Variants in RUNX2 observed in about 807,000 individuals in gnomAD.
The protein encoded by RUNX2 is RUNX family transcription factor 2, also known as runt-related transcription factor 2.
In RUNX2, 10 loss-of-function variants were observed where a neutral mutation model predicts 51.7. That is an observed-to-expected ratio of 0.19 (90% CI 0.12 to 0.33). The LOEUF (loss-of-function observed/expected upper bound fraction) is 0.33. Ranked by LOEUF, RUNX2 falls within the 10% of genes least tolerant of loss-of-function variation. RUNX2 has a pLI of 1.00. For missense variants in RUNX2, 562 were observed against 691.3 expected (o/e 0.81, Z 2.10); for synonymous variants, 276 against 273.6 (o/e 1.01, Z -0.09).
At chr6:45,359,028 C>G (rs1340233051) in intron 2 of RUNX2, among the ~76,000 whole-genome samples, 2 of 152,118 alleles carry the variant, frequency 1.3e-5, no homozygotes, top group Admixed American at 6.5e-5. Flanking sequence ...ATAACTTCAT[C>G]TACCTGAATT....
At chr6:45,378,344 T>C (rs1797106003) in intron 2 of RUNX2, among the ~76,000 whole-genome samples, 1 of 152,196 alleles carries the variant, frequency 6.6e-6, no homozygotes. Context: ...GAGGAAGAGA[T>C]TCACCGTTCT....
intron 5 of RUNX2, among the ~76,000 whole-genome samples, chr6:45,447,180 A>C (rs1342934147): frequency 6.6e-6 from 1 of 152,242 alleles, no homozygotes; most frequent in African/African-American, 2.4e-5. Context: ...GGGTACTAGA[A>C]AGTAAACAGT....
intron 2 of RUNX2, among the ~76,000 whole-genome samples, chr6:45,355,170 C>T (rs1295750235): frequency 6.7e-6 from 1 of 149,750 alleles, no homozygotes; most frequent in African/African-American, 2.5e-5. Flanking sequence ...TGGGGTACCA[C>T]AGACTGGTCT....
At chr6:45,440,194 G>A (rs1251315731) in intron 5 of RUNX2, among the ~76,000 whole-genome samples, 1 of 152,222 alleles carries the variant, frequency 6.6e-6, no homozygotes, top group East Asian at 1.9e-4. Context: ...CTGGAGAGAA[G>A]CATGGGTCTG....
intron 7 of RUNX2, among the ~76,000 whole-genome samples, chr6:45,532,162 A>ATTTTTTTT (rs3055521): frequency 1.4e-4 from 12 of 85,122 alleles, no homozygotes; most frequent in Admixed American, 2.8e-4. Context: ...GAAAACCTAG[A>ATTTTTTTT]TTTTTTTTTT....
chr6:45,365,356 C>CAA (rs965242582), intron 2 of RUNX2: 225 of 954,796 alleles, frequency 2.4e-4, no homozygotes, highest in Admixed American at 1.4e-4. Flanking sequence ...TAAGTAAATG[C>CAA]AAAAAAAAAA....
At chr6:45,523,735 C>T (rs1395894255) in intron 7 of RUNX2, among the ~76,000 whole-genome samples, 1 of 151,700 alleles carries the variant, frequency 6.6e-6, no homozygotes, top group South Asian at 2.1e-4. Flanking sequence ...GAGATAGAGA[C>T]CATCCTGGCC....
intron 7 of RUNX2, among the ~76,000 whole-genome samples, chr6:45,543,694 G>T (rs536366937): frequency 4.6e-5 from 7 of 152,186 alleles, no homozygotes; most frequent in African/African-American, 1.7e-4. Flanking sequence ...GCTACAATGT[G>T]GTTGGTGACA....
intron 2 of RUNX2, among the ~76,000 whole-genome samples, chr6:45,399,154 C>T (rs1797644083): frequency 6.6e-6 from 1 of 151,810 alleles, no homozygotes; most frequent in Non-Finnish European, 1.5e-5. Context: ...CTCCCCTGAC[C>T]CCAGTTTGTT....
chr6:45,540,208 C>A lies in RUNX2; in HGVS notation c.1022-5009C>A, dbSNP rs141689392. Among the ~76,000 whole-genome samples the A allele has an allele frequency of 1.0e-3, 153 of 152,294 alleles. 1 individual carries two copies. The East Asian group carries it at 0.026, about 26-fold the overall frequency. On this transcript the variant is annotated intron_variant, in intron 7 of 8. Transcript: ENST00000647337. Reference sequence around the variant, plus strand: ...ATGCCCATAGCCTCCTTCCTTTTCACCCCTTCATTACAGAATTGCTCAGAT... The same window carrying A: ...ATGCCCATAGCCTCCTTCCTTTTCAACCCTTCATTACAGAATTGCTCAGAT...
At chr6:45,347,973 C>G (rs1239204330) in intron 2 of RUNX2, among the ~76,000 whole-genome samples, 2 of 151,986 alleles carry the variant, frequency 1.3e-5, no homozygotes, top group Non-Finnish European at 2.9e-5. Context: ...AAATGCATTA[C>G]TTTTACAATC....
At chr6:45,373,254 T>C (rs994004785) in intron 2 of RUNX2, among the ~76,000 whole-genome samples, 1 of 152,120 alleles carries the variant, frequency 6.6e-6, no homozygotes, top group East Asian at 1.9e-4. Flanking sequence ...ACGATTTTCA[T>C]GTTCATTATC....
intron 5 of RUNX2, among the ~76,000 whole-genome samples, chr6:45,466,313 TA>T (rs57244753): frequency 5.1e-4 from 74 of 144,696 alleles, no homozygotes; most frequent in East Asian, 3.8e-3. Context: ...AACTCCGTCT[TA>T]AAAAAAAAAA....
chr6:45,505,423 T>C (rs1800936785), intron 6 of RUNX2, among the ~76,000 whole-genome samples: 1 of 151,638 alleles, frequency 6.6e-6, no homozygotes. Context: ...GTGTTTAGGG[T>C]TCAATTATGC....
At chr6:45,374,120 T>G (rs1796461459) in intron 2 of RUNX2, among the ~76,000 whole-genome samples, 1 of 152,202 alleles carries the variant, frequency 6.6e-6, no homozygotes. Context: ...TCCATTTTAC[T>G]GATAAGGAAA....
At chr6:45,396,659 A>T (rs1451531029) in intron 2 of RUNX2, among the ~76,000 whole-genome samples, 1 of 152,052 alleles carries the variant, frequency 6.6e-6, no homozygotes, top group Non-Finnish European at 1.5e-5. Context: ...TCTTGCCTTG[A>T]TCTCCCAAAG....
At chr6:45,468,958 C>T (rs552949667) in intron 5 of RUNX2, among the ~76,000 whole-genome samples, 36 of 152,222 alleles carry the variant, frequency 2.4e-4, no homozygotes, top group Non-Finnish European at 3.5e-4. Context: ...CATGCCTTGC[C>T]TTTTCCCAAT....
intron 2 of RUNX2, among the ~76,000 whole-genome samples, chr6:45,388,776 A>T (rs1314982109): frequency 6.6e-6 from 1 of 152,212 alleles, no homozygotes; most frequent in African/African-American, 2.4e-5. Context: ...ACAGGATTTA[A>T]AAATCTAAAC....
At chr6:45,506,247 A>G (rs997873293) in intron 6 of RUNX2, among the ~76,000 whole-genome samples, 1 of 152,098 alleles carries the variant, frequency 6.6e-6, no homozygotes, top group African/African-American at 2.4e-5. Context: ...TCTCGCATGT[A>G]GTCATTTTGA....
Sources: gnomAD v4.1 joint callset for allele counts (sites outside exome capture counted in the v4.1 genomes callset) on GRCh38, gnomAD v4.1.1 for gene constraint, MANE v1.5 for transcripts, NCBI Gene and HGNC (gene_info 2026-07-23, HGNC 2026-07-21) for gene names.